The following NRIP1 variants were observed in gnomAD, a reference collection of about 807,000 sequenced individuals.
NRIP1 encodes the protein nuclear receptor-interacting protein 1.
Under a neutral mutation model 75.0 loss-of-function variants are expected in NRIP1, and 28 were observed. That is an observed-to-expected ratio of 0.37 (90% CI 0.28 to 0.51). The LOEUF (loss-of-function observed/expected upper bound fraction) is 0.51. Ranked by LOEUF, NRIP1 falls within the 20% of genes least tolerant of loss-of-function variation. NRIP1 has a pLI of 0.92. For missense variants in NRIP1, 1,435 were observed against 1,343.7 expected (o/e 1.07, Z -1.06); for synonymous variants, 526 against 487.6 (o/e 1.08, Z -1.04).
intron 2 of NRIP1, among the ~76,000 whole-genome samples, chr21:15,035,209 C>G (rs569890435): frequency 1.3e-5 from 2 of 152,026 alleles, no homozygotes; most frequent in Non-Finnish European, 2.9e-5. Flanking sequence ...GAGAAATATA[C>G]CCTTTGTTTT....
At chr21:15,062,242 A>G (rs1465417830) in intron 1 of NRIP1, among the ~76,000 whole-genome samples, 1 of 152,228 alleles carries the variant, frequency 6.6e-6, no homozygotes, top group Non-Finnish European at 1.5e-5. Context: ...ATAAACTACC[A>G]GCAAAACAGA....
At chr21:15,016,271 G>A (rs1464950560) in intron 2 of NRIP1, among the ~76,000 whole-genome samples, 1 of 152,116 alleles carries the variant, frequency 6.6e-6, no homozygotes, top group East Asian at 1.9e-4. Context: ...AAGAAGAGTA[G>A]GAAACAATCA....
Position 14,966,988 on chromosome 21 carries a change from C to A in NRIP1, c.1205G>T (p.Gly402Val). ...TGTACTACTTTCCTCAAAAATGCTT[C>A]CTCTCTCACTGTGACTGTGTCCATT... ...PMNGHSHSER[G>V]SIFEESSTPT... is the part of the protein sequence containing the mutation. The change falls in exon 4 of 4, where the codon GGA becomes GTA. Residue 402 changes from glycine (G) to valine (V), a missense_variant. Physicochemically the swap from Gly to Val is moderately radical, Grantham distance 109. Transcript: ENST00000318948. The A allele has an allele frequency of 6.2e-7, 1 of 1,614,126 alleles. No homozygotes were observed. The highest frequency in any genetic ancestry group is 1.3e-5 in the African/African-American group (1 of 75,034).
At chr21:15,063,287 G>A (rs1045778795) in intron 1 of NRIP1, among the ~76,000 whole-genome samples, 3 of 152,116 alleles carry the variant, frequency 2.0e-5, no homozygotes, top group Non-Finnish European at 2.9e-5. Flanking sequence ...CCGAACTGCC[G>A]GGCAAAACCA....
At chr21:15,011,186 T>TGG (rs2088091833) in intron 3 of NRIP1, among the ~76,000 whole-genome samples, 1 of 152,186 alleles carries the variant, frequency 6.6e-6, no homozygotes, top group Non-Finnish European at 1.5e-5. Context: ...ACCCAGCTCA[T>TGG]CAGTACTGGC....
At chr21:15,060,132 G>A (rs2089393580) in intron 1 of NRIP1, among the ~76,000 whole-genome samples, 1 of 152,032 alleles carries the variant, frequency 6.6e-6, no homozygotes, top group African/African-American at 2.4e-5. Context: ...CCATAACAGT[G>A]AGAAAAGTTA....
intron 1 of NRIP1, among the ~76,000 whole-genome samples, chr21:15,052,761 A>C (rs2089228969): frequency 6.6e-6 from 1 of 152,200 alleles, no homozygotes; most frequent in Non-Finnish European, 1.5e-5. Context: ...TTCACTGTAA[A>C]ATAAAACAAA....
chr21:15,017,096 G>A (rs935643730), intron 2 of NRIP1, among the ~76,000 whole-genome samples: 1 of 152,084 alleles, frequency 6.6e-6, no homozygotes, highest in African/African-American at 2.4e-5. Flanking sequence ...GAACTTGTGG[G>A]CTAAATCTTT....
intron 1 of NRIP1, among the ~76,000 whole-genome samples, chr21:15,044,480 T>G (rs1164877427): frequency 6.6e-6 from 1 of 151,940 alleles, no homozygotes; most frequent in Admixed American, 6.6e-5. Flanking sequence ...CAATGGACAG[T>G]GAAGCTAGCG....
intron 1 of NRIP1, chr21:15,051,908 C>T (rs534648311): frequency 7.9e-5 from 12 of 152,412 alleles, no homozygotes; most frequent in African/African-American, 2.4e-4. Context: ...ACCCATTTAA[C>T]TGTCACACAC....
intron 2 of NRIP1, 102 bp from the exon 3 acceptor site, chr21:15,014,568 T>C (rs779322915): frequency 1.3e-5 from 5 of 397,562 alleles, no homozygotes; most frequent in East Asian, 3.6e-5. Context: ...CTTGTTCAAG[T>C]TCAATGCAAA....
At chr21:15,032,300 T>A (rs2088722637) in intron 2 of NRIP1, among the ~76,000 whole-genome samples, 1 of 152,224 alleles carries the variant, frequency 6.6e-6, no homozygotes, top group African/African-American at 2.4e-5. Context: ...TCTTAAAAAC[T>A]TTGAAAATTC....
At chr21:15,042,426 T>A (rs755767241) in intron 2 of NRIP1, among the ~76,000 whole-genome samples, 14 of 152,180 alleles carry the variant, frequency 9.2e-5, no homozygotes, top group Non-Finnish European at 1.3e-4. Flanking sequence ...CTGACATTAG[T>A]CAAATTGGCT....
At chr21:14,982,295 A>G (rs1055030606) in intron 3 of NRIP1, among the ~76,000 whole-genome samples, 7 of 152,188 alleles carry the variant, frequency 4.6e-5, no homozygotes, top group Non-Finnish European at 7.3e-5. Context: ...AATTCTTGTC[A>G]TTAAACAAGA....
intron 1 of NRIP1, among the ~76,000 whole-genome samples, chr21:15,064,217 G>T (rs529932974): frequency 5.0e-4 from 76 of 152,354 alleles, no homozygotes; most frequent in Admixed American, 2.9e-3. Flanking sequence ...CCGCGAGTGC[G>T]GGCAGAGCGG....
In NRIP1 at chr21:14,967,629, C is replaced by G. The variant is rs536854679; in HGVS notation, c.564G>C (p.Leu188Phe). Reference sequence around the variant, plus strand: ...GATCTTTAACTTTACTTTTCTTCAACAAAGTTTTTAAGTGACTTGATGCAA... The same window carrying G: ...GATCTTTAACTTTACTTTTCTTCAAGAAAGTTTTTAAGTGACTTGATGCAA... ...YGVASSHLKT[L>F]LKKSKVKDQK... The change falls in exon 4 of 4, where the codon TTG (leucine) becomes TTC (phenylalanine). Residue 188 changes from leucine to phenylalanine, a missense_variant. Coordinates refer to ENST00000318948, the MANE Select transcript of NRIP1 (RefSeq NM_003489.4). The G allele has an allele frequency of 6.2e-7, 1 of 1,613,520 alleles. No individual in the cohort carries two copies. Among genetic ancestry groups the G allele is most frequent in the Non-Finnish European group, 8.5e-7 (1 of 1,179,906 alleles).
chr21:15,045,731 T>C (rs2089059288), intron 1 of NRIP1, among the ~76,000 whole-genome samples: 1 of 152,260 alleles, frequency 6.6e-6, no homozygotes, highest in Non-Finnish European at 1.5e-5. Context: ...AATATCTTTC[T>C]AGATGGGAGT....
intron 2 of NRIP1, among the ~76,000 whole-genome samples, chr21:15,041,559 C>T (rs536524195): frequency 1.8e-4 from 28 of 152,226 alleles, no homozygotes; most frequent in African/African-American, 6.5e-4. Flanking sequence ...AAACTAATTC[C>T]TATCTTGAAT....
intron 3 of NRIP1, among the ~76,000 whole-genome samples, chr21:14,994,429 CAG>C (rs1483852775): frequency 1.3e-5 from 2 of 152,172 alleles, no homozygotes; most frequent in African/African-American, 2.4e-5. Flanking sequence ...TTATGCTATA[CAG>C]AGAGTTTTCT....
Sources: allele counts gnomAD v4.1 joint callset (sites outside exome capture counted in the v4.1 genomes callset), GRCh38; gene constraint gnomAD v4.1.1; transcripts MANE v1.5; gene names NCBI Gene and HGNC (gene_info 2026-07-23, HGNC 2026-07-21).